Variants in CDS2 observed in about 807,000 individuals in gnomAD.
CDS2 encodes the protein CDP-diacylglycerol synthase 2, also known as phosphatidate cytidylyltransferase 2.
CDS2 carries 47 observed loss-of-function variants against 59.0 expected under a neutral mutation model. The observed-to-expected ratio is 0.80, with a 90% CI of 0.63 to 1.02. The LOEUF (loss-of-function observed/expected upper bound fraction) is 1.02. Among genes scored for constraint, CDS2 ranks in the 50% least tolerant of loss-of-function variants. The probability of loss-of-function intolerance (pLI) is 0.00; values close to 1 mark genes in which losing one functional copy is unlikely to be tolerated. For missense variants in CDS2, 356 were observed against 558.9 expected, an observed-to-expected ratio of 0.64 and a Z score of 3.66; for synonymous variants, 207 against 206.4, an observed-to-expected ratio of 1.00 and a Z score of -0.02.
chr20:5,161,804 G>A (rs973739093), intron 1 of CDS2, among the ~76,000 whole-genome samples: 58 of 151,976 alleles, frequency 3.8e-4, no homozygotes, highest in Admixed American at 1.6e-3. Flanking sequence ...TCATTTTATC[G>A]TCTTGCTCTT....
At chr20:5,134,472 A>G (rs1452216519) in intron 1 of CDS2, among the ~76,000 whole-genome samples, 2 of 152,188 alleles carry the variant, frequency 1.3e-5, no homozygotes, top group Non-Finnish European at 2.9e-5. Context: ...ATTTAAAGAA[A>G]TAATACAATC....
chr20:5,147,400 A>AG (rs1297859552), intron 1 of CDS2, among the ~76,000 whole-genome samples: 7 of 152,218 alleles, frequency 4.6e-5, no homozygotes, highest in Non-Finnish European at 8.8e-5. Flanking sequence ...GATAGGAAAG[A>AG]GGGGGGTCAA....
At chr20:5,189,686 G>A in intron 11 of CDS2, 49 bp from the exon 12 acceptor site, 1 of 1,386,964 alleles carries the variant, frequency 7.2e-7, no homozygotes, top group Non-Finnish European at 1.0e-6. Flanking sequence ...GGCTGGGATT[G>A]GTTAGTGGCT....
At chr20:5,173,475 C>G in intron 1 of CDS2, 48 bp from the exon 2 acceptor site, 1 of 1,608,332 alleles carries the variant, frequency 6.2e-7, no homozygotes, top group Non-Finnish European at 8.5e-7. Context: ...TCTCAATGGT[C>G]TACTCGGCAC....
chr20:5,153,567 G>T (rs1004010730), intron 1 of CDS2, among the ~76,000 whole-genome samples: 1 of 152,134 alleles, frequency 6.6e-6, no homozygotes, highest in Non-Finnish European at 1.5e-5. Context: ...ATAACTCTTA[G>T]GAATTCCTTT....
intron 1 of CDS2, among the ~76,000 whole-genome samples, chr20:5,160,771 C>T (rs2090871001): frequency 6.6e-6 from 1 of 152,168 alleles, no homozygotes; most frequent in Non-Finnish European, 1.5e-5. Context: ...ACGAATTTGA[C>T]TACTCTAGGT....
rs990624969 is a variant in CDS2 at position 5,195,046 on chromosome 20, G to C, written c.*4812G>C. Reference sequence around the variant, plus strand: ...CAGACTTTGGGATCAAATCACCCTAGGTGCGGGCAGGTTTCTAGGCTGCTC... The same window carrying C: ...CAGACTTTGGGATCAAATCACCCTACGTGCGGGCAGGTTTCTAGGCTGCTC... On this transcript the variant is annotated 3_prime_UTR_variant, in exon 13 of 13. Coordinates refer to ENST00000460006, the MANE Select transcript of CDS2 (RefSeq NM_003818.4). 6.6e-6 allele frequency: 1 copy of C among 152,136 alleles called. No individual in the cohort carries two copies. The highest frequency in any genetic ancestry group is 1.5e-5 in the Non-Finnish European group (1 of 68,050). 9.4% of individuals were successfully genotyped at this position (152,136 alleles called of 1,614,324 possible). A position where few individuals can be genotyped will look rare whatever the true frequency, so the allele number is the denominator to read the frequency against.
rs748938050 is a variant in CDS2, at chr20:5,186,859, G to C, written c.981+20G>C. On this transcript the variant is annotated intron_variant, in intron 10 of 12. Coordinates refer to ENST00000460006, the MANE Select transcript of CDS2 (RefSeq NM_003818.4). ...GGCTGGGTATGTGCCACTCACAGGG[G>C]GTGAGCGGCCTCCATGGACAGTGGC... 21 of 1,613,242 alleles carry C rather than the reference G, an allele frequency of 1.3e-5. No homozygotes were observed. Among genetic ancestry groups the C allele is most frequent in the Non-Finnish European group, 1.8e-5 (21 of 1,179,450 alleles).
intron 1 of CDS2, among the ~76,000 whole-genome samples, chr20:5,132,991 C>T (rs2090619684): frequency 6.8e-6 from 1 of 147,604 alleles, no homozygotes; most frequent in African/African-American, 2.6e-5. Flanking sequence ...GCTAAGACGG[C>T]AAAACCCCTT....
rs2091155756 is a variant in CDS2, at chr20:5,196,156, A to T, written c.*5922A>T. 1 of 152,122 alleles carries T rather than the reference A, an allele frequency of 6.6e-6. No individual in the cohort carries two copies. Among genetic ancestry groups the T allele is most frequent in the East Asian group, 1.9e-4 (1 of 5,192 alleles). 9.4% of individuals were successfully genotyped at this position (152,122 alleles called of 1,614,324 possible). ...AATAATGGTCCCTCTGTTTCATTGA[A>T]TTGCTGAAGTAATGATAATGCCATG... On this transcript the variant is annotated 3_prime_UTR_variant, in exon 13 of 13. Coordinates refer to ENST00000460006, the MANE Select transcript of CDS2 (RefSeq NM_003818.4).
At chr20:5,158,118 T>C (rs990577711) in intron 1 of CDS2, among the ~76,000 whole-genome samples, 2 of 152,214 alleles carry the variant, frequency 1.3e-5, no homozygotes, top group Non-Finnish European at 2.9e-5. Context: ...TTATTCTTCT[T>C]CCAGTGTGGG....
At chr20:5,161,889 A>G (rs986290480) in intron 1 of CDS2, among the ~76,000 whole-genome samples, 2 of 152,238 alleles carry the variant, frequency 1.3e-5, no homozygotes, top group African/African-American at 4.8e-5. Context: ...AACGCTAACT[A>G]GAACCAGACC....
chr20:5,161,047 A>T (rs2090873092), intron 1 of CDS2, among the ~76,000 whole-genome samples: 1 of 152,204 alleles, frequency 6.6e-6, no homozygotes, highest in African/African-American at 2.4e-5. Context: ...CCCTGCCCTC[A>T]GTTCTTTTGG....
chr20:5,161,642 A>G (rs1475019179), intron 1 of CDS2, among the ~76,000 whole-genome samples: 3 of 152,208 alleles, frequency 2.0e-5, no homozygotes, highest in Admixed American at 1.3e-4. Flanking sequence ...TAGTCTTGTT[A>G]ATAGCTGCAC....
chr20:5,157,598 G>A (rs914628878), intron 1 of CDS2, among the ~76,000 whole-genome samples: 1 of 152,140 alleles, frequency 6.6e-6, no homozygotes, highest in African/African-American at 2.4e-5. Flanking sequence ...ATTGTTTTGG[G>A]GTCTGGGAAG....
intron 9 of CDS2, 133 bp downstream of exon 9, chr20:5,185,959 A>G: frequency 1.2e-6 from 1 of 820,776 alleles, no homozygotes. Flanking sequence ...CTTGCCCTGA[A>G]GAGGGCCACT....
chr20:5,189,918 TC>T, intron 12 of CDS2, 80 bp downstream of exon 12: 1 of 1,396,566 alleles, frequency 7.2e-7, no homozygotes. Context: ...GCATCTAAGT[TC>T]CAGTGAAAAG....
chr20:5,171,886 C>T (rs2090958687), intron 1 of CDS2, among the ~76,000 whole-genome samples: 1 of 152,214 alleles, frequency 6.6e-6, no homozygotes, highest in African/African-American at 2.4e-5. Context: ...CCCTTGGATC[C>T]TAATGATGAG....
chr20:5,189,908 G>T, intron 12 of CDS2, 70 bp downstream of exon 12: 1 of 1,413,174 alleles, frequency 7.1e-7, no homozygotes, highest in Non-Finnish European at 9.9e-7. Context: ...AATTTTAGCG[G>T]CATCTAAGTT....
Sources: gnomAD v4.1 joint callset for allele counts (sites outside exome capture counted in the v4.1 genomes callset) on GRCh38, gnomAD v4.1.1 for gene constraint, MANE v1.5 for transcripts, NCBI Gene and HGNC (gene_info 2026-07-23, HGNC 2026-07-21) for gene names.